LRRC52: variants seen among roughly 807,000 people sequenced by gnomAD.
The protein encoded by LRRC52 is leucine-rich repeat-containing protein 52.
Under a neutral mutation model 14.7 loss-of-function variants are expected in LRRC52, and 15 were observed. The ratio of observed to expected loss-of-function variants is 1.02; its 90% confidence interval spans 0.68 to 1.58. The LOEUF (loss-of-function observed/expected upper bound fraction) is 1.58, where lower values mean the gene tolerates loss of function less well. LRRC52 is among the 40% of genes most tolerant of loss of function. The pLI, the probability that LRRC52 is intolerant of heterozygous loss-of-function variation, is 0.00. For synonymous variants in LRRC52, 180 were observed against 163.9 expected, an observed-to-expected ratio of 1.10 and a Z score of -0.75; for missense variants, 400 against 387.7, an observed-to-expected ratio of 1.03 and a Z score of -0.27.
Position 165,563,653 on chromosome 1 carries a change from C to G in LRRC52, c.771C>G (p.Ala257=). 6.2e-7 allele frequency: 1 copy of G among 1,614,192 alleles called. No individual in the cohort carries two copies. The highest frequency in any genetic ancestry group is 8.5e-7 in the Non-Finnish European group (1 of 1,180,034). The change falls in exon 2 of 2, where the codon GCC becomes GCG. Residue 257 remains alanine, a synonymous_variant. Transcript: ENST00000294818. The stretch of plus-strand genomic sequence containing the variant: ...TGCTCATCGGCTTCTGCATCTTCGC[C>G]GCGGGAACTGTGGCTGCCTGGCTCA... ...FLLLIGFCIF[A]AGTVAAWLTG...
At chr1:165,553,434 A>C (rs1661174843) in intron 1 of LRRC52, among the ~76,000 whole-genome samples, 1 of 152,232 alleles carries the variant, frequency 6.6e-6, no homozygotes, top group Non-Finnish European at 1.5e-5. Context: ...AACTGAACAT[A>C]AAAGGTGTGA....
At chr1:165,562,672 C>T (rs1279204666) in intron 1 of LRRC52, among the ~76,000 whole-genome samples, 1 of 150,500 alleles carries the variant, frequency 6.6e-6, no homozygotes, top group East Asian at 2.4e-4. Context: ...GCCTGTCTAG[C>T]TCCAGAGCCC....
At chr1:165,554,091 T>G (rs868628950) in intron 1 of LRRC52, among the ~76,000 whole-genome samples, 1 of 152,186 alleles carries the variant, frequency 6.6e-6, no homozygotes, top group Admixed American at 6.5e-5. Flanking sequence ...CAAGTCCTCA[T>G]GTGCAAAATG....
At position 165,563,816 on chromosome 1, in the gene LRRC52, C is replaced by T; in HGVS notation, c.934C>T (p.Leu312Phe). Residue 312 changes from leucine to phenylalanine, a missense_variant, in exon 2 of 2, where the codon CTT becomes TTT. Physicochemically the swap from Leu to Phe is conservative, Grantham distance 22 (BLOSUM62 0). Transcript: ENST00000294818. ...QTSSVQEFPQ[L>F]I ...GAGCTCGGTCCAGGAGTTCCCTCAG[C>T]TTATTTAGTTGCCAGAGACCACTAT... The T allele has an allele frequency of 1.9e-6, 3 of 1,613,664 alleles. No individual in the cohort carries two copies. The highest frequency in any genetic ancestry group is 2.5e-6 in the Non-Finnish European group (3 of 1,179,670).
At chr1:165,552,679 T>G (rs1661157967) in intron 1 of LRRC52, among the ~76,000 whole-genome samples, 1 of 152,212 alleles carries the variant, frequency 6.6e-6, no homozygotes, top group South Asian at 2.1e-4. Flanking sequence ...GTGCACCCTT[T>G]GTAACTTCTG....
chr1:165,546,886 G>A (rs955538552), intron 1 of LRRC52, among the ~76,000 whole-genome samples: 5 of 152,158 alleles, frequency 3.3e-5, no homozygotes, highest in Admixed American at 6.5e-5. Flanking sequence ...CAAGACATCA[G>A]AAAGGAGTGT....
rs1476574359 is a variant in LRRC52 at position 165,563,701 on chromosome 1, C to T, written c.819C>T (p.Tyr273=). ...AWLTGVCAVL[Y]QNTRHKSSEE... is the part of the protein sequence containing the mutation. The stretch of plus-strand genomic sequence containing the variant: ...TCACAGGTGTGTGTGCTGTGCTCTA[C>T]CAGAACACCCGCCACAAGTCGAGTG... Residue 273 remains tyrosine (Y), a synonymous_variant, in exon 2 of 2, where the codon TAC becomes TAT. Coordinates refer to ENST00000294818, the MANE Select transcript of LRRC52 (RefSeq NM_001005214.4). 2 of 1,614,170 alleles carry T rather than the reference C, an allele frequency of 1.2e-6. No homozygotes were observed. The highest frequency in any genetic ancestry group is 1.7e-6 in the Non-Finnish European group (2 of 1,180,012).
chr1:165,556,246 G>A (rs889155875), intron 1 of LRRC52, among the ~76,000 whole-genome samples: 5 of 152,154 alleles, frequency 3.3e-5, no homozygotes, highest in South Asian at 2.1e-4. Context: ...AGTTATACAC[G>A]AGACCAGTTC....
chr1:165,563,587 G>A lies in LRRC52; in HGVS notation c.705G>A (p.Met235Ile). The A allele has an allele frequency of 6.2e-7, 1 of 1,614,218 alleles. No homozygotes were observed. The highest frequency in any genetic ancestry group is 2.2e-5 in the East Asian group (1 of 44,882). The change falls in exon 2 of 2, where the codon ATG becomes ATA. Residue 235 changes from methionine to isoleucine, a missense_variant. Coordinates refer to ENST00000294818, the MANE Select transcript of LRRC52 (RefSeq NM_001005214.4). ...ITRVGNPLRY[M>I]CITHLDHKDY... ...GGGTGGGGAACCCACTCCGATACAT[G>A]TGCATCACGCACCTGGACCACAAAG...
chr1:165,545,785 AT>A (rs1661010411), intron 1 of LRRC52, among the ~76,000 whole-genome samples: 1 of 152,002 alleles, frequency 6.6e-6, no homozygotes, highest in Non-Finnish European at 1.5e-5. Context: ...CAATAATAGC[AT>A]TTTTACCCAG....
intron 1 of LRRC52, among the ~76,000 whole-genome samples, chr1:165,551,539 T>C (rs554541556): frequency 2.0e-5 from 3 of 152,286 alleles, no homozygotes; most frequent in South Asian, 2.1e-4. Flanking sequence ...TACCAGGGGC[T>C]AGAGTGGGGC....
chr1:165,551,841 T>C (rs1482688880), intron 1 of LRRC52, among the ~76,000 whole-genome samples: 1 of 152,134 alleles, frequency 6.6e-6, no homozygotes, highest in African/African-American at 2.4e-5. Context: ...CATTTCTACC[T>C]ACCAAGTACA....
chr1:165,563,371 A>T, intron 1 of LRRC52, 134 bp from the exon 2 acceptor site: 1 of 704,424 alleles, frequency 1.4e-6, no homozygotes. Context: ...GGTCCAGGTG[A>T]TGTCGATGCT....
At position 165,547,220 on chromosome 1, in the gene LRRC52, G is replaced by A. The variant is rs1571104722; in HGVS notation, c.622+2302G>A. Among the ~76,000 whole-genome samples, 4 of 152,222 alleles carry A rather than the reference G, an allele frequency of 2.6e-5. No individual in the cohort carries two copies. In the South Asian group the frequency reaches 8.3e-4, roughly 32 times the overall value. ...TGACTTGAACCCCTTGATTTCAAATGCAGGTCTTTTTCCACAAGACTATAC... is the reference window on the plus strand; with the variant it reads ...TGACTTGAACCCCTTGATTTCAAATACAGGTCTTTTTCCACAAGACTATAC... On this transcript the variant is annotated intron_variant, in intron 1 of 1. Coordinates refer to ENST00000294818, the MANE Select transcript of LRRC52 (RefSeq NM_001005214.4).
rs1231127334 is a variant in LRRC52, at chr1:165,544,748, C to A, written c.452C>A (p.Ser151Tyr). The change falls in exon 1 of 2, where the codon TCT (serine) becomes TAT (tyrosine). Residue 151 changes from serine to tyrosine, a missense_variant. Ser to Tyr is a moderately radical substitution (Grantham distance 144). Transcript: ENST00000294818. Reference protein sequence around the residue: ...LHKFTFANTTSLRYLDLRNTG... With the variant: ...LHKFTFANTTYLRYLDLRNTG... ...AAGTTCACCTTTGCCAACACCACCT[C>A]TTTGAGGTACCTGGACCTCAGAAAT... 1 of 1,614,146 alleles carries A rather than the reference C, an allele frequency of 6.2e-7. No individual in the cohort carries two copies. The highest frequency in any genetic ancestry group is 1.1e-5 in the South Asian group (1 of 91,072).
At chr1:165,547,702 C>G (rs992061795) in intron 1 of LRRC52, among the ~76,000 whole-genome samples, 8 of 152,036 alleles carry the variant, frequency 5.3e-5, no homozygotes, top group African/African-American at 1.9e-4. Context: ...ACTTACATAC[C>G]CACACGTATA....
chr1:165,563,866 T>C lies in LRRC52; in HGVS notation c.*42T>C. ...TCTTATGTGCCTCCCCCAGGCTCCC[T>C]GCTTTCTCTCTTGCCCTCCCCATCC... On this transcript the variant is annotated 3_prime_UTR_variant, in exon 2 of 2. Coordinates refer to ENST00000294818, the MANE Select transcript of LRRC52 (RefSeq NM_001005214.4). 6.3e-7 allele frequency: 1 copy of C among 1,580,412 alleles called. No homozygotes were observed. Among genetic ancestry groups the C allele is most frequent in the Non-Finnish European group, 8.6e-7 (1 of 1,158,364 alleles).
In LRRC52 at chr1:165,544,715, C is replaced by T. The variant is rs750447459; in HGVS notation, c.419C>T (p.Ser140Leu). The change falls in exon 1 of 2, where the codon TCG (serine) becomes TTG (leucine). Residue 140 changes from serine (S) to leucine (L), a missense_variant. Physicochemically the swap from Ser to Leu is moderately radical, Grantham distance 145. Transcript: ENST00000294818. Reference sequence around the variant, plus strand: ...ATTGCCAACAACCCTCACCTGTTATCGCTTCACAAGTTCACCTTTGCCAAC... The same window carrying T: ...ATTGCCAACAACCCTCACCTGTTATTGCTTCACAAGTTCACCTTTGCCAAC... ...LNIANNPHLL[S>L]LHKFTFANTT... 1.2e-5 allele frequency: 20 copies of T among 1,613,922 alleles called. No individual in the cohort carries two copies. The highest frequency in any genetic ancestry group is 1.1e-4 in the East Asian group (5 of 44,876).
intron 1 of LRRC52, among the ~76,000 whole-genome samples, chr1:165,547,921 A>G (rs931510253): frequency 2.0e-5 from 3 of 152,234 alleles, no homozygotes; most frequent in Admixed American, 6.5e-5. Context: ...TGACTCTCAA[A>G]TGATGGTTCA....
Sources: allele counts gnomAD v4.1 joint callset (sites outside exome capture counted in the v4.1 genomes callset), GRCh38; gene constraint gnomAD v4.1.1; transcripts MANE v1.5; gene names NCBI Gene and HGNC (gene_info 2026-07-23, HGNC 2026-07-21).